MCC: variants seen among roughly 807,000 people sequenced by gnomAD.
MCC encodes the protein colorectal mutant cancer protein.
Under a neutral mutation model 116.2 loss-of-function variants are expected in MCC, and 90 were observed. The ratio of observed to expected loss-of-function variants is 0.77; its 90% confidence interval spans 0.65 to 0.92. The LOEUF (loss-of-function observed/expected upper bound fraction) is 0.92, where lower values mean the gene tolerates loss of function less well. Among genes scored for constraint, MCC ranks in the 40% least tolerant of loss-of-function variants. The probability of loss-of-function intolerance (pLI) is 0.00; values close to 1 mark genes in which losing one functional copy is unlikely to be tolerated. For missense variants in MCC, 1,516 were observed against 1,312.2 expected (o/e 1.16, Z -2.40); for synonymous variants, 578 against 510.5 (o/e 1.13, Z -1.78).
At chr5:113,119,778 A>G (rs760468842) in intron 6 of MCC, among the ~76,000 whole-genome samples, 1 of 152,158 alleles carries the variant, frequency 6.6e-6, no homozygotes, top group Non-Finnish European at 1.5e-5. Flanking sequence ...CCCTCCAGGA[A>G]CTCAGTCTTC....
chr5:113,186,243 G>C (rs1159908476), intron 3 of MCC, among the ~76,000 whole-genome samples: 2 of 152,196 alleles, frequency 1.3e-5, no homozygotes, highest in African/African-American at 4.8e-5. Flanking sequence ...GAAATCCAGA[G>C]CGTGGGTGGC....
In MCC at chr5:113,367,749, G is replaced by C. The variant is rs1045825099; in HGVS notation, c.415+17219C>G. On this transcript the variant is annotated intron_variant, in intron 2 of 18. Coordinates refer to ENST00000408903, the MANE Select transcript of MCC (RefSeq NM_001085377.2). ...AGACTAAGCAAAGGAAATGACATCA[G>C]GGTAGGGTATGCTGGCTGAGGGGTA... is the stretch of plus-strand genomic sequence containing the variant. 2.6e-5 allele frequency among the ~76,000 whole-genome samples: 4 copies of C among 152,174 alleles called. No individual in the cohort carries two copies. In the South Asian group the frequency reaches 8.3e-4, roughly 32 times the overall value.
chr5:113,377,272 A>C lies in MCC; in HGVS notation c.415+7696T>G, dbSNP rs74587700. Among the ~76,000 whole-genome samples, 1,319 of 152,204 alleles carry C rather than the reference A, an allele frequency of 8.7e-3. 23 individuals are homozygous for C. Among genetic ancestry groups the C allele is most frequent in the African/African-American group, 0.03 (1,263 of 41,504 alleles). ...CTAATATATAGTACAGAAGGAACAA[A>C]ACTCAAGAAGTAGGTTTGAGGGGTT... On this transcript the variant is annotated intron_variant, in intron 2 of 18. Coordinates refer to ENST00000408903, the MANE Select transcript of MCC (RefSeq NM_001085377.2).
chr5:113,047,469 G>A (rs937244515), intron 16 of MCC, among the ~76,000 whole-genome samples: 2 of 152,226 alleles, frequency 1.3e-5, no homozygotes, highest in Non-Finnish European at 2.9e-5. Flanking sequence ...GGGTGTAGCT[G>A]TGGCCATTTG....
At chr5:113,180,349 A>G (rs925506469) in intron 3 of MCC, among the ~76,000 whole-genome samples, 2 of 152,198 alleles carry the variant, frequency 1.3e-5, no homozygotes, top group East Asian at 1.9e-4. Context: ...CTAATGAAGA[A>G]AAACAAATAT....
chr5:113,488,234 TC>T lies in MCC; in HGVS notation c.170+10del. 1 of 1,583,398 alleles carries T rather than the reference TC, an allele frequency of 6.3e-7. No homozygotes were observed. On this transcript the variant is annotated intron_variant, in intron 1 of 18. Coordinates refer to ENST00000408903, the MANE Select transcript of MCC (RefSeq NM_001085377.2). ...TCGCTCCTGTCGGTTTCCTCGTACC[TC>T]CCCGCGTACCTGCTGATGTATCCGT...
intron 1 of MCC, among the ~76,000 whole-genome samples, chr5:113,472,903 T>C (rs1328510477): frequency 6.6e-6 from 1 of 152,186 alleles, no homozygotes; most frequent in Non-Finnish European, 1.5e-5. Context: ...CCGTATTTTG[T>C]CTTAAGGTAG....
chr5:113,064,885 C>T (rs893336211), intron 13 of MCC, among the ~76,000 whole-genome samples: 1 of 152,272 alleles, frequency 6.6e-6, no homozygotes, highest in Non-Finnish European at 1.5e-5. Context: ...AAAGACAGAA[C>T]TATAGAGATA....
At chr5:113,258,277 T>C (rs545050003) in intron 3 of MCC, among the ~76,000 whole-genome samples, 4 of 152,384 alleles carry the variant, frequency 2.6e-5, no homozygotes, top group Middle Eastern at 6.8e-3. Flanking sequence ...AAAAATGTTC[T>C]TTCTGTGGGT....
rs1361574168 is a variant in MCC at position 113,027,350 on chromosome 5, C to A, written c.3012G>T (p.Leu1004=). Residue 1004 remains leucine, a synonymous_variant, in exon 19 of 19, where the codon CTG becomes CTT. Coordinates refer to ENST00000408903, the MANE Select transcript of MCC (RefSeq NM_001085377.2). The stretch of plus-strand genomic sequence containing the variant: ...GTGGCCTGGAGTTCTCCTCCTCTAG[C>A]AGAGCTATTCTTTGCTTGAGCATCC... The part of the protein sequence containing the change: ...QVRMLKQRIA[L]LEEENSRPHT... 6.2e-7 allele frequency: 1 copy of A among 1,614,072 alleles called. No homozygotes were observed. Among genetic ancestry groups the A allele is most frequent in the African/African-American group, 1.3e-5 (1 of 74,928 alleles).
At chr5:113,135,861 T>G (rs1758787553) in intron 5 of MCC, among the ~76,000 whole-genome samples, 1 of 151,998 alleles carries the variant, frequency 6.6e-6, no homozygotes, top group African/African-American at 2.4e-5. Flanking sequence ...CTGGCCAATA[T>G]GGTGAAACCC....
chr5:113,159,564 C>T (rs1760367137), intron 3 of MCC, among the ~76,000 whole-genome samples: 1 of 152,220 alleles, frequency 6.6e-6, no homozygotes, highest in African/African-American at 2.4e-5. Flanking sequence ...AATCCAAGAG[C>T]TCGTGGGTAG....
At chr5:113,208,088 A>T (rs1443845749) in intron 3 of MCC, among the ~76,000 whole-genome samples, 1 of 152,120 alleles carries the variant, frequency 6.6e-6, no homozygotes, top group East Asian at 1.9e-4. Flanking sequence ...CTCTCCATTC[A>T]TTCTCTCAAC....
At chr5:113,424,572 G>A (rs1298176630) in intron 1 of MCC, among the ~76,000 whole-genome samples, 1 of 152,070 alleles carries the variant, frequency 6.6e-6, no homozygotes, top group African/African-American at 2.4e-5. Flanking sequence ...AAAATTAGCT[G>A]GGTGTGGTGG....
rs151183145 is a variant in MCC at position 113,046,685 on chromosome 5, C to CAAAAAAAAAAAAAAAAAAA, written c.2655+2389_2655+2407dup. ...ACTGACTGCTAACAAACTCAAAAGG[C>CAAAAAAAAAAAAAAAAAAA]AAAAAAAAAAAAAAAAAAAAAAAAA... On this transcript the variant is annotated intron_variant, in intron 16 of 18. Coordinates refer to ENST00000408903, the MANE Select transcript of MCC (RefSeq NM_001085377.2). 1.1e-3 allele frequency among the ~76,000 whole-genome samples: 66 copies of CAAAAAAAAAAAAAAAAAAA among 58,388 alleles called. 3 individuals are homozygous for CAAAAAAAAAAAAAAAAAAA. The highest frequency in any genetic ancestry group is 2.0e-3 in the East Asian group (4 of 2,034). The allele number at this position is 58,388 out of a possible 152,430, so 38.3% of individuals were successfully genotyped here. A position where few individuals can be genotyped will look rare whatever the true frequency, so the allele number is the denominator to read the frequency against.
chr5:113,287,683 AC>A (rs1766317630), intron 3 of MCC, among the ~76,000 whole-genome samples: 1 of 152,118 alleles, frequency 6.6e-6, no homozygotes. Context: ...TTGCAGCCCC[AC>A]CTGGGAGAAA....
At chr5:113,268,938 T>C (rs1396225720) in intron 3 of MCC, among the ~76,000 whole-genome samples, 2 of 152,160 alleles carry the variant, frequency 1.3e-5, no homozygotes, top group Non-Finnish European at 2.9e-5. Context: ...CGGTGACTGA[T>C]GTTATCTATA....
At chr5:113,477,743 T>C (rs567070204) in intron 1 of MCC, among the ~76,000 whole-genome samples, 2 of 152,242 alleles carry the variant, frequency 1.3e-5, no homozygotes, top group South Asian at 4.1e-4. Flanking sequence ...TTAGCCCTAG[T>C]CTAAAGACTC....
chr5:113,382,855 G>A (rs974997492), intron 2 of MCC, among the ~76,000 whole-genome samples: 1 of 152,136 alleles, frequency 6.6e-6, no homozygotes, highest in Non-Finnish European at 1.5e-5. Flanking sequence ...CACTCAAATA[G>A]TCTGACTCTG....
Sources: allele counts gnomAD v4.1 joint callset (sites outside exome capture counted in the v4.1 genomes callset), GRCh38; gene constraint gnomAD v4.1.1; transcripts MANE v1.5; gene names NCBI Gene and HGNC (gene_info 2026-07-23, HGNC 2026-07-21).